The following UTS2B variants were observed in gnomAD, a reference collection of about 807,000 sequenced individuals.
The protein encoded by UTS2B is urotensin-2B.
UTS2B carries 21 observed loss-of-function variants against 19.2 expected under a neutral mutation model. That is an observed-to-expected ratio of 1.09 (90% CI 0.78 to 1.58). The LOEUF (loss-of-function observed/expected upper bound fraction) is 1.58, where lower values mean the gene tolerates loss of function less well. Among genes scored for constraint, UTS2B ranks in the 40% most tolerant of loss-of-function variants. UTS2B has a pLI of 0.00. For missense variants in UTS2B, 138 were observed against 130.3 expected, an observed-to-expected ratio of 1.06 and a Z score of -0.29; for synonymous variants, 57 against 50.2, an observed-to-expected ratio of 1.14 and a Z score of -0.58.
At chr3:191,276,887 T>C in intron 6 of UTS2B, 43 bp from the exon 7 acceptor site, 1 of 1,579,660 alleles carries the variant, frequency 6.3e-7, no homozygotes, top group Non-Finnish European at 8.7e-7. Flanking sequence ...ACATTGCAAG[T>C]AATATTTAAT....
At chr3:191,291,890 T>G (rs1007755299) in intron 4 of UTS2B, among the ~76,000 whole-genome samples, 3 of 152,192 alleles carry the variant, frequency 2.0e-5, no homozygotes, top group Admixed American at 2.0e-4. Context: ...TGAATGGTCT[T>G]GGTAGCTTGT....
chr3:191,285,640 G>A (rs2603682), intron 4 of UTS2B, among the ~76,000 whole-genome samples: 69,588 of 151,938 alleles, frequency 0.46, 17,995 homozygotes, highest in Non-Finnish European at 0.59. Context: ...GGTGGCTTAC[G>A]CCTGTAATCT....
At chr3:191,340,324 A>T in the UTS2B span, among the ~76,000 whole-genome samples, 1 of 152,236 alleles carries the variant, frequency 6.6e-6, no homozygotes, top group East Asian at 1.9e-4. Context: ...TAAAGTCCTT[A>T]TATTTCTGTA....
intron 5 of UTS2B, among the ~76,000 whole-genome samples, chr3:191,281,073 T>G (rs1716372066): frequency 6.6e-6 from 1 of 152,186 alleles, no homozygotes; most frequent in Non-Finnish European, 1.5e-5. Flanking sequence ...TACTTTTTAT[T>G]GATTGAGGTA....
intron 8 of UTS2B, among the ~76,000 whole-genome samples, chr3:191,274,504 T>C (rs1716176399): frequency 6.6e-6 from 1 of 152,188 alleles, no homozygotes; most frequent in Non-Finnish European, 1.5e-5. Context: ...TAGTCAAAGT[T>C]AAAATTTGAA....
intron 3 of UTS2B, among the ~76,000 whole-genome samples, chr3:191,311,024 T>C (rs1034211050): frequency 6.6e-6 from 1 of 152,254 alleles, no homozygotes; most frequent in Admixed American, 6.5e-5. Flanking sequence ...TATCTAAGTA[T>C]GTCCATCTAG....
chr3:191,306,278 A>C (rs1395599606), intron 3 of UTS2B, among the ~76,000 whole-genome samples: 2 of 152,234 alleles, frequency 1.3e-5, no homozygotes, highest in Non-Finnish European at 2.9e-5. Context: ...CATTTAAGAT[A>C]AAGGAAGACT....
intron 6 of UTS2B, chr3:191,277,524 G>A (rs1159389666): frequency 6.6e-6 from 1 of 151,960 alleles, no homozygotes; most frequent in Non-Finnish European, 1.5e-5. Flanking sequence ...GTCATTTCTT[G>A]GAGGACAATC....
chr3:191,325,042 T>G (rs1265232253), intron 2 of UTS2B, among the ~76,000 whole-genome samples: 2 of 146,646 alleles, frequency 1.4e-5, no homozygotes, highest in Non-Finnish European at 3.0e-5. Context: ...ACAGTGAGAC[T>G]CCATCTCAGG....
chr3:191,311,403 G>A (rs1447051322), intron 3 of UTS2B, among the ~76,000 whole-genome samples: 2 of 152,218 alleles, frequency 1.3e-5, no homozygotes, highest in Non-Finnish European at 2.9e-5. Context: ...TTTCCAAAGT[G>A]GCATTCAGAG....
At chr3:191,284,871 G>C (rs928887169) in intron 4 of UTS2B, among the ~76,000 whole-genome samples, 1 of 152,006 alleles carries the variant, frequency 6.6e-6, no homozygotes, top group African/African-American at 2.4e-5. Context: ...GAGATGTAAA[G>C]ACTTTCCCAG....
At chr3:191,298,240 A>C (rs1040072096) in intron 4 of UTS2B, among the ~76,000 whole-genome samples, 2 of 152,136 alleles carry the variant, frequency 1.3e-5, no homozygotes, top group African/African-American at 4.8e-5. Context: ...TCCAAAAAAA[A>C]CAGTCACTGC....
At chr3:191,269,278 T>C (rs17465071) in intron 8 of UTS2B, among the ~76,000 whole-genome samples, 36,995 of 152,130 alleles carry the variant, frequency 0.24, 4,686 homozygotes, top group Admixed American at 0.29. Context: ...TAAATTTCTA[T>C]GTGCTTGCCC....
At chr3:191,276,328 G>A (rs1307839089) in intron 7 of UTS2B, among the ~76,000 whole-genome samples, 1 of 152,102 alleles carries the variant, frequency 6.6e-6, no homozygotes, top group Non-Finnish European at 1.5e-5. Flanking sequence ...GTGTTACTAG[G>A]GGTCCCCGTC....
the UTS2B span, among the ~76,000 whole-genome samples, chr3:191,342,066 T>G: frequency 6.6e-6 from 1 of 152,236 alleles, no homozygotes; most frequent in African/African-American, 2.4e-5. Context: ...AACACATTTT[T>G]AGTCAGTGAA....
the UTS2B span, among the ~76,000 whole-genome samples, chr3:191,343,585 A>G: frequency 1.3e-5 from 2 of 152,258 alleles, no homozygotes; most frequent in Admixed American, 6.5e-5. Flanking sequence ...AAGAGTAATT[A>G]GTTGCTAAGT....
intron 4 of UTS2B, among the ~76,000 whole-genome samples, chr3:191,285,899 A>G (rs1716530579): frequency 6.6e-6 from 1 of 152,158 alleles, no homozygotes; most frequent in Admixed American, 6.6e-5. Context: ...CTCCATCTAA[A>G]AAAGAAAAAA....
At chr3:191,299,819 C>T (rs767533491) in intron 4 of UTS2B, among the ~76,000 whole-genome samples, 15 of 152,226 alleles carry the variant, frequency 9.9e-5, no homozygotes, top group Non-Finnish European at 1.5e-4. Context: ...TCAACACCAG[C>T]CCTTGAGAGC....
At chr3:191,332,507 C>G (rs1346554602), upstream of UTS2B, among the ~76,000 whole-genome samples, 2 of 152,194 alleles carry the variant, frequency 1.3e-5, no homozygotes. Flanking sequence ...GAATAATACT[C>G]TATTTCTTCT....
Sources: gnomAD v4.1 joint callset for allele counts (sites outside exome capture counted in the v4.1 genomes callset) on GRCh38, gnomAD v4.1.1 for gene constraint, MANE v1.5 for transcripts, NCBI Gene and HGNC (gene_info 2026-07-23, HGNC 2026-07-21) for gene names.